THNSL1: variants seen among roughly 807,000 people sequenced by gnomAD.
THNSL1 encodes the protein threonine synthase-like 1.
THNSL1 carries 48 observed loss-of-function variants against 50.4 expected under a neutral mutation model. The observed-to-expected ratio is 0.95, with a 90% CI of 0.76 to 1.21. The LOEUF (loss-of-function observed/expected upper bound fraction) is 1.21. THNSL1 is among the 50% of genes most tolerant of loss of function. The probability of loss-of-function intolerance (pLI) is 0.00; values close to 1 mark genes in which losing one functional copy is unlikely to be tolerated. For missense variants in THNSL1, 896 were observed against 871.7 expected (o/e 1.03, Z -0.35); for synonymous variants, 309 against 306.1 (o/e 1.01, Z -0.10).
At chr10:24,960,843 G>C in the THNSL1 span, among the ~76,000 whole-genome samples, 1 of 151,990 alleles carries the variant, frequency 6.6e-6, no homozygotes, top group Non-Finnish European at 1.5e-5. Context: ...TCCCGCCTTG[G>C]CCTCCCAAAG....
Position 25,023,242 on chromosome 10 carries a change from T to C in THNSL1, c.19T>C (p.Cys7Arg), listed in dbSNP as rs1422059910. 9 of 1,612,256 alleles carry C rather than the reference T, an allele frequency of 5.6e-6. No homozygotes were observed. Among genetic ancestry groups the C allele is most frequent in the Non-Finnish European group, 7.6e-6 (9 of 1,178,798 alleles). Reference protein sequence around the residue: MLHFNRCHHLKKITQKC... With the variant: MLHFNRRHHLKKITQKC... Reference sequence around the variant, plus strand: ...AAAGAGAATGCTCCACTTTAACCGATGTCATCATCTGAAAAAGATAACACA... The same window carrying C: ...AAAGAGAATGCTCCACTTTAACCGACGTCATCATCTGAAAAAGATAACACA... The change falls in exon 3 of 3, where the codon TGT (cysteine) becomes CGT (arginine). Residue 7 changes from cysteine (C) to arginine (R), a missense_variant. Transcript: ENST00000376356.
chr10:24,952,496 G>T, the THNSL1 span: 13 of 1,565,874 alleles, frequency 8.3e-6, no homozygotes, highest in East Asian at 1.2e-4. The surrounding 1 kb of genome is among the most constrained non-coding windows in gnomAD (Gnocchi z 5.1). Flanking sequence ...AGGGGAGCGG[G>T]CCGAGCCCCA....
chr10:25,003,661 C>T, the THNSL1 span, among the ~76,000 whole-genome samples: 2 of 152,058 alleles, frequency 1.3e-5, no homozygotes, highest in African/African-American at 4.8e-5. Flanking sequence ...CTAGTGGTGA[C>T]TTTATTAGAT....
the THNSL1 span, among the ~76,000 whole-genome samples, chr10:24,985,538 T>G: frequency 1.3e-5 from 2 of 152,214 alleles, no homozygotes; most frequent in South Asian, 4.1e-4. Flanking sequence ...GAAAGGTCAT[T>G]AAATGTAACA....
chr10:24,957,757 A>G, the THNSL1 span, among the ~76,000 whole-genome samples: 1 of 152,218 alleles, frequency 6.6e-6, no homozygotes, highest in South Asian at 2.1e-4. Flanking sequence ...CTGGGATTAC[A>G]GGCATGAGCC....
the THNSL1 span, among the ~76,000 whole-genome samples, chr10:25,007,838 G>A: frequency 1.3e-5 from 2 of 151,992 alleles, no homozygotes; most frequent in Admixed American, 1.3e-4. Flanking sequence ...CCTGTATCTG[G>A]TTGTCTCTCC....
At chr10:24,993,371 A>G in the THNSL1 span, among the ~76,000 whole-genome samples, 2 of 152,238 alleles carry the variant, frequency 1.3e-5, no homozygotes, top group African/African-American at 4.8e-5. Context: ...AATCCTCACT[A>G]CAACCCTGTG....
the THNSL1 span, among the ~76,000 whole-genome samples, chr10:24,955,983 C>A: frequency 6.6e-6 from 1 of 151,810 alleles, no homozygotes; most frequent in Admixed American, 6.6e-5. Flanking sequence ...AAAAGATTGA[C>A]GTAAGGTGAC....
chr10:24,998,564 G>A, the THNSL1 span, among the ~76,000 whole-genome samples: 4,375 of 151,564 alleles, frequency 0.029, 141 homozygotes, highest in African/African-American at 0.079. Flanking sequence ...TAATTTTTTT[G>A]TACGGACGGG....
the THNSL1 span, among the ~76,000 whole-genome samples, chr10:24,988,334 G>T: frequency 1.4e-5 from 2 of 141,254 alleles, no homozygotes; most frequent in Non-Finnish European, 3.1e-5. Context: ...ATTTATATAT[G>T]TGTATATATA....
At chr10:24,965,349 T>C in the THNSL1 span, among the ~76,000 whole-genome samples, 2 of 152,198 alleles carry the variant, frequency 1.3e-5, no homozygotes, top group Non-Finnish European at 2.9e-5. Flanking sequence ...TTCTTTCCTC[T>C]CCACTTGTGT....
the THNSL1 span, chr10:24,996,007 T>C: frequency 2.1e-5 from 14 of 667,584 alleles, no homozygotes; most frequent in African/African-American, 1.9e-4. Context: ...GATAGAAGTT[T>C]ATGCTTACCC....
the THNSL1 span, among the ~76,000 whole-genome samples, chr10:24,965,117 G>A: frequency 6.6e-6 from 1 of 151,674 alleles, no homozygotes; most frequent in Non-Finnish European, 1.5e-5. Context: ...CCATTGTCCT[G>A]CTATTGTGGG....
At chr10:24,953,977 T>TG in the THNSL1 span, among the ~76,000 whole-genome samples, 1 of 152,050 alleles carries the variant, frequency 6.6e-6, no homozygotes, top group Non-Finnish European at 1.5e-5. Flanking sequence ...CTTACAGAAA[T>TG]GGGGGGTGTT....
the THNSL1 span, chr10:24,982,358 G>T: frequency 6.6e-6 from 1 of 152,252 alleles, no homozygotes; most frequent in Non-Finnish European, 1.5e-5. Flanking sequence ...GGGAATGCCA[G>T]TTACAGTGGG....
the THNSL1 span, chr10:24,995,726 G>A: frequency 6.2e-7 from 1 of 1,613,764 alleles, no homozygotes; most frequent in Non-Finnish European, 8.5e-7. Flanking sequence ...ACATAAATTG[G>A]TTTAGGCTTT....
the THNSL1 span, among the ~76,000 whole-genome samples, chr10:24,964,916 A>T: frequency 9.2e-5 from 14 of 152,222 alleles, no homozygotes; most frequent in East Asian, 2.7e-3. Flanking sequence ...TCAATATCTT[A>T]GCTGGTCATG....
the THNSL1 span, among the ~76,000 whole-genome samples, chr10:24,976,003 C>G: frequency 2.6e-5 from 4 of 152,156 alleles, no homozygotes; most frequent in African/African-American, 9.7e-5. Flanking sequence ...AGCTGTTGAC[C>G]TTGTTATTCC....
At chr10:25,016,820 C>G (rs1850594397) in intron 1 of THNSL1, 128 bp downstream of exon 1, 1 of 152,588 alleles carries the variant, frequency 6.6e-6, no homozygotes, top group Admixed American at 6.5e-5. Context: ...GGAAGGAAAA[C>G]TAGAAGCCAG....
Sources: gnomAD v4.1 joint callset for allele counts (sites outside exome capture counted in the v4.1 genomes callset) on GRCh38, gnomAD v4.1.1 for gene constraint, Gnocchi (gnomAD v3.1) non-coding constraint, MANE v1.5 for transcripts, NCBI Gene and HGNC (gene_info 2026-07-23, HGNC 2026-07-21) for gene names.